The following RMDN2 variants were observed in gnomAD, a reference collection of about 807,000 sequenced individuals.
RMDN2 encodes regulator of microtubule dynamics 2.
Under a neutral mutation model 52.8 loss-of-function variants are expected in RMDN2, and 61 were observed. The ratio of observed to expected loss-of-function variants is 1.16; its 90% confidence interval spans 0.94 to 1.43. The LOEUF is 1.43. Among genes scored for constraint, RMDN2 ranks in the 40% most tolerant of loss-of-function variants. The pLI, the probability that RMDN2 is intolerant of heterozygous loss-of-function variation, is 0.00. For synonymous variants in RMDN2, 180 were observed against 153.1 expected, an observed-to-expected ratio of 1.18 and a Z score of -1.30; for missense variants, 592 against 475.3, an observed-to-expected ratio of 1.25 and a Z score of -2.28.
chr2:37,985,141 G>T (rs1673830936), intron 5 of RMDN2, among the ~76,000 whole-genome samples: 1 of 151,988 alleles, frequency 6.6e-6, no homozygotes, highest in Admixed American at 6.6e-5. Flanking sequence ...CCTTGACTCA[G>T]AGTAACTTGG....
At chr2:37,929,166 G>A (rs1666522454) in intron 1 of RMDN2, 96 bp from the exon 2 acceptor site, 5 of 702,158 alleles carry the variant, frequency 7.1e-6, no homozygotes, top group Admixed American at 6.1e-5. Flanking sequence ...ATCCTGTGAT[G>A]TAAACTTGGC....
chr2:38,045,590 T>TAA (rs75898609), intron 10 of RMDN2, among the ~76,000 whole-genome samples: 134 of 152,022 alleles, frequency 8.8e-4, no homozygotes, highest in African/African-American at 3.1e-3. Context: ...GATAAAATTG[T>TAA]AAAAAAGCCA....
At position 37,950,489 on chromosome 2, in the gene RMDN2, C is replaced by T. The variant is rs76027928; in HGVS notation, c.452+20760C>T. On this transcript the variant is annotated intron_variant, in intron 2 of 10. Coordinates refer to ENST00000354545, the MANE Select transcript of RMDN2 (RefSeq NM_001170791.3). ...ACATGCAGCTTGAGCATTCAGTCTT[C>T]TGACCTGTTCCACCTCTACAGGGCA... 4,243 of 1,612,386 alleles carry T rather than the reference C, an allele frequency of 2.6e-3. 85 individuals are homozygous for T. The African/African-American group carries it at 0.05, about 19-fold the overall frequency.
rs183995824 is a variant in RMDN2, at chr2:37,953,732, G to A, written c.453-20308G>A. ...TCCAGAAGTGGAATTATTGGATCAT[G>A]TGGTAATTATATTTTAATTTTTTGA... On this transcript the variant is annotated intron_variant, in intron 2 of 10. Coordinates refer to ENST00000354545, the MANE Select transcript of RMDN2 (RefSeq NM_001170791.3). Among the ~76,000 whole-genome samples the A allele has an allele frequency of 1.1e-3, 163 of 152,122 alleles. 3 individuals carry two copies. The East Asian group carries it at 0.027, about 25-fold the overall frequency.
chr2:38,038,322 T>C (rs1256961568), intron 10 of RMDN2, among the ~76,000 whole-genome samples: 1 of 152,112 alleles, frequency 6.6e-6, no homozygotes, highest in Non-Finnish European at 1.5e-5. Context: ...TGTGCAGCAC[T>C]TTGTCTTTCT....
At chr2:37,936,652 A>G (rs1667314642) in intron 2 of RMDN2, among the ~76,000 whole-genome samples, 1 of 152,188 alleles carries the variant, frequency 6.6e-6, no homozygotes, top group Non-Finnish European at 1.5e-5. Context: ...AGTGATGATG[A>G]GCTTTTTTTC....
chr2:38,008,523 T>G (rs760810181), intron 10 of RMDN2, among the ~76,000 whole-genome samples: 24 of 152,298 alleles, frequency 1.6e-4, no homozygotes, highest in Non-Finnish European at 2.6e-4. Context: ...AGACTGGGAT[T>G]GCAACCCCTG....
intron 2 of RMDN2, among the ~76,000 whole-genome samples, chr2:37,949,430 T>G (rs1362327189): frequency 6.6e-6 from 1 of 152,160 alleles, no homozygotes; most frequent in African/African-American, 2.4e-5. Flanking sequence ...ATTGCCCCTG[T>G]GGCAATGTGG....
At chr2:38,053,758 C>T (rs1015574270) in intron 10 of RMDN2, among the ~76,000 whole-genome samples, 15 of 152,102 alleles carry the variant, frequency 9.9e-5, no homozygotes, top group Non-Finnish European at 4.4e-5. Flanking sequence ...TGCATATTAG[C>T]ATTTACTGGG....
At chr2:37,922,699 G>C (rs561743058), upstream of RMDN2, among the ~76,000 whole-genome samples, 5 of 152,332 alleles carry the variant, frequency 3.3e-5, no homozygotes, top group East Asian at 9.6e-4. Context: ...TGTATTCATT[G>C]AAACTCCTGG....
chr2:37,948,924 A>C (rs923474837), intron 2 of RMDN2, among the ~76,000 whole-genome samples: 1 of 152,202 alleles, frequency 6.6e-6, no homozygotes, highest in African/African-American at 2.4e-5. Context: ...GGGGTAGCTC[A>C]GTGAGCAGAT....
At chr2:37,966,478 C>T (rs914241900) in intron 2 of RMDN2, among the ~76,000 whole-genome samples, 7 of 151,956 alleles carry the variant, frequency 4.6e-5, no homozygotes, top group African/African-American at 9.7e-5. Context: ...TGGCTTTGGC[C>T]GTTGTTTCTT....
At chr2:38,055,380 C>T (rs186034056) in intron 10 of RMDN2, among the ~76,000 whole-genome samples, 1 of 152,222 alleles carries the variant, frequency 6.6e-6, no homozygotes, top group Admixed American at 6.5e-5. Context: ...ACCTCACCCT[C>T]ACCCTATATA....
chr2:37,976,853 T>A (rs1033279191), intron 4 of RMDN2, among the ~76,000 whole-genome samples: 2 of 152,060 alleles, frequency 1.3e-5, no homozygotes, highest in African/African-American at 2.4e-5. Flanking sequence ...TTTTTTTAAA[T>A]TTTTTTAGTA....
chr2:37,966,786 A>G (rs1178462580), intron 2 of RMDN2, among the ~76,000 whole-genome samples: 1 of 152,154 alleles, frequency 6.6e-6, no homozygotes, highest in Non-Finnish European at 1.5e-5. Context: ...ATATTATGAA[A>G]AAACTATGCA....
intron 2 of RMDN2, among the ~76,000 whole-genome samples, chr2:37,954,546 C>G (rs1020390152): frequency 6.6e-6 from 1 of 152,074 alleles, no homozygotes; most frequent in Non-Finnish European, 1.5e-5. Flanking sequence ...CATTTTCTTT[C>G]ACCAGCCTAT....
chr2:38,019,415 A>C (rs565550110), downstream of RMDN2, among the ~76,000 whole-genome samples: 1 of 152,342 alleles, frequency 6.6e-6, no homozygotes, highest in South Asian at 2.1e-4. Context: ...TCAATGGACA[A>C]GTTGATATCC....
chr2:38,037,987 C>A (rs336031), intron 10 of RMDN2, among the ~76,000 whole-genome samples: 49,297 of 151,948 alleles, frequency 0.32, 8,570 homozygotes, highest in Non-Finnish European at 0.4. Flanking sequence ...CTGTAGCCTG[C>A]AAACCCCTCT....
At chr2:37,997,752 A>G in intron 8 of RMDN2, 2 of 436,222 alleles carry the variant, frequency 4.6e-6, no homozygotes, top group Non-Finnish European at 4.1e-6. Context: ...TTTAAAAATA[A>G]CCCAGCAGCC....
Sources: allele counts gnomAD v4.1 joint callset (sites outside exome capture counted in the v4.1 genomes callset), GRCh38; gene constraint gnomAD v4.1.1; transcripts MANE v1.5; gene names NCBI Gene and HGNC (gene_info 2026-07-23, HGNC 2026-07-21).